The following PCDHGA5 variants were observed in gnomAD, a reference collection of about 807,000 sequenced individuals.
PCDHGA5 encodes the protein protocadherin gamma subfamily A, 5, also known as protocadherin gamma-A5.
A neutral mutation model predicts 56.7 loss-of-function variants in PCDHGA5; 36 were observed. The ratio of observed to expected loss-of-function variants is 0.64; its 90% confidence interval spans 0.49 to 0.84. The LOEUF (loss-of-function observed/expected upper bound fraction) is 0.84. PCDHGA5 is among the 40% of genes least tolerant of loss of function. The pLI, the probability that PCDHGA5 is intolerant of heterozygous loss-of-function variation, is 0.00. For missense variants in PCDHGA5, 1,305 were observed against 1,201.5 expected, an observed-to-expected ratio of 1.09 and a Z score of -1.27; for synonymous variants, 563 against 520.2, an observed-to-expected ratio of 1.08 and a Z score of -1.12.
At chr5:141,433,383 CT>C (rs2097595660) in intron 1 of PCDHGA5, among the ~76,000 whole-genome samples, 1 of 151,456 alleles carries the variant, frequency 6.6e-6, no homozygotes, top group Non-Finnish European at 1.5e-5. Context: ...ATCTATCTAT[CT>C]ATCTATCTAT....
At chr5:141,387,435 A>G (rs988959651) in intron 1 of PCDHGA5, among the ~76,000 whole-genome samples, 1 of 152,240 alleles carries the variant, frequency 6.6e-6, no homozygotes, top group African/African-American at 2.4e-5. Flanking sequence ...ATGTTTATGT[A>G]CTTAATCTAC....
Position 141,489,434 on chromosome 5 carries a change from A to G in PCDHGA5, c.2422-5373A>G. On this transcript the variant is annotated intron_variant, in intron 1 of 3. Transcript: ENST00000518069. This position sits in a 1 kb window ranked among gnomAD's most constrained non-coding sequence, Gnocchi z 4.5. ...ACAGATCTGTTGAGCCGGCGGCTGC[A>G]ATTGGGCTCTGAGGAGAATGGGCGC... 6.2e-7 allele frequency: 1 copy of G among 1,614,138 alleles called. No individual in the cohort carries two copies. The highest frequency in any genetic ancestry group is 8.5e-7 in the Non-Finnish European group (1 of 1,180,044).
Position 141,383,135 on chromosome 5 carries a change from A to T in PCDHGA5, c.2421+16384A>T. On this transcript the variant is annotated intron_variant, in intron 1 of 3. Coordinates refer to ENST00000518069, the MANE Select transcript of PCDHGA5 (RefSeq NM_018918.3). ...AGGACGCAGCTTTTCGCCCTGAACC[A>T]GCGCAGCGGCAGCTTGGTCACTGCG... The T allele has an allele frequency of 1.2e-5, 20 of 1,614,114 alleles. No homozygotes were observed. Among genetic ancestry groups the T allele is most frequent in the Non-Finnish European group, 1.7e-5 (20 of 1,179,996 alleles).
chr5:141,418,663 C>T, intron 1 of PCDHGA5: 1 of 1,613,960 alleles, frequency 6.2e-7, no homozygotes, highest in South Asian at 1.1e-5. Flanking sequence ...AGGCCACTGA[C>T]CAGGACGAGG....
chr5:141,389,496 CCAGCGCT>C, intron 1 of PCDHGA5: 1 of 1,613,068 alleles, frequency 6.2e-7, no homozygotes, highest in Non-Finnish European at 8.5e-7. Context: ...CCAGGGCTCG[CCAGCGCT>C]CAGCGCGAAC....
chr5:141,410,849 C>G, intron 1 of PCDHGA5: 1 of 136,716 alleles, frequency 7.3e-6, no homozygotes, highest in Non-Finnish European at 1.2e-5. Flanking sequence ...TTGTCTTTGT[C>G]TTTTTTTTTT....
Position 141,420,413 on chromosome 5 carries a change from A to G in PCDHGA5, c.2421+53662A>G, listed in dbSNP as rs191893876. 4 of 1,222,394 alleles carry G rather than the reference A, an allele frequency of 3.3e-6. No individual in the cohort carries two copies. In the Admixed American group the frequency reaches 1.1e-4, roughly 33 times the overall value. 75.7% of individuals were successfully genotyped at this position (1,222,394 alleles called of 1,614,324 possible). A position where few individuals can be genotyped will look rare whatever the true frequency, so the allele number is the denominator to read the frequency against. ...ATAGGTCAAATTTATGGTTATCATT[A>G]TTAAAACAAAAGTTTAAATTAAATG... On this transcript the variant is annotated intron_variant, in intron 1 of 3. Transcript: ENST00000518069.
chr5:141,393,571 A>G, intron 1 of PCDHGA5: 4 of 1,613,974 alleles, frequency 2.5e-6, no homozygotes, highest in Non-Finnish European at 3.4e-6. Flanking sequence ...AAAGTCCTTG[A>G]GAACATGCCC....
intron 2 of PCDHGA5, among the ~76,000 whole-genome samples, chr5:141,500,184 T>TTTTTTTTATTTATTTA (rs1554186429): frequency 7.4e-6 from 1 of 135,886 alleles, no homozygotes; most frequent in African/African-American, 2.7e-5. Flanking sequence ...TCATTTTTAT[T>TTTTTTTTATTTATTTA]TTTATTTATT....
chr5:141,379,889 CTTTTTTTTTTTTTTTT>C (rs70988800), intron 1 of PCDHGA5, among the ~76,000 whole-genome samples: 915 of 50,904 alleles, frequency 0.018, 31 homozygotes, highest in African/African-American at 0.056. Context: ...GTGAAAGCCT[CTTTTTTTTTTTTTTTT>C]TTTTTTTTTT....
chr5:141,389,705 G>A (rs770533850), intron 1 of PCDHGA5: 2 of 1,612,552 alleles, frequency 1.2e-6, no homozygotes, highest in Admixed American at 3.3e-5. Context: ...ACCACGTGCT[G>A]CAGGCTAGCG....
In PCDHGA5 at chr5:141,505,438, T is replaced by C. The variant is rs149352680; in HGVS notation, c.2526T>C (p.Phe842=). The C allele has an allele frequency of 6.8e-6, 11 of 1,614,046 alleles. No homozygotes were observed. The African/African-American group carries it at 1.5e-4, about 22-fold the overall frequency. The stretch of plus-strand genomic sequence containing the variant: ...CCGGCACCTGGCCCAACAACCAGTT[T>C]GACACAGAGATGCTGCAAGCCATGA... ...DDTGTWPNNQ[F]DTEMLQAMIL... Residue 842 remains phenylalanine, a synonymous_variant, in exon 3 of 4, where the codon TTT becomes TTC. Transcript: ENST00000518069.
chr5:141,413,570 A>G, intron 1 of PCDHGA5: 1 of 1,613,930 alleles, frequency 6.2e-7, no homozygotes, highest in Non-Finnish European at 8.5e-7. Context: ...GATATCAATG[A>G]CAATGCTCCA....
rs781156882 is a variant in PCDHGA5 at position 141,365,966 on chromosome 5, G to A, written c.1636G>A (p.Val546Met). ...DSGNPPLSSNVSLSLFVLDQN... is the reference protein window; with the variant it reads ...DSGNPPLSSNMSLSLFVLDQN... ...TGGGAACCCTCCACTTAGCAGCAAC[G>A]TGTCGCTGAGCCTGTTTGTGCTGGA... is the stretch of plus-strand genomic sequence containing the variant. Residue 546 changes from valine (V) to methionine (M), a missense_variant, in exon 1 of 4, where the codon GTG becomes ATG. Coordinates refer to ENST00000518069, the MANE Select transcript of PCDHGA5 (RefSeq NM_018918.3). The A allele has an allele frequency of 1.5e-5, 24 of 1,614,222 alleles. No individual in the cohort carries two copies. Among genetic ancestry groups the A allele is most frequent in the Non-Finnish European group, 2.0e-5 (24 of 1,180,034 alleles).
chr5:141,370,057 C>T (rs180898728), intron 1 of PCDHGA5, among the ~76,000 whole-genome samples: 2 of 152,150 alleles, frequency 1.3e-5, no homozygotes, highest in Non-Finnish European at 2.9e-5. Flanking sequence ...TTTAAAAGTC[C>T]TTTTAAAATG....
chr5:141,408,871 T>C, intron 1 of PCDHGA5: 2 of 1,612,784 alleles, frequency 1.2e-6, no homozygotes, highest in Non-Finnish European at 1.7e-6. Flanking sequence ...CACCAAGAAG[T>C]GCCACCGCTC....
intron 1 of PCDHGA5, chr5:141,394,900 C>T (rs959646500): frequency 3.7e-6 from 6 of 1,613,748 alleles, no homozygotes; most frequent in Non-Finnish European, 3.4e-6. Context: ...CTCGTGGTGG[C>T]AGTGGCTGCC....
intron 1 of PCDHGA5, among the ~76,000 whole-genome samples, chr5:141,386,748 G>T (rs1033565005): frequency 6.6e-6 from 1 of 152,190 alleles, no homozygotes; most frequent in African/African-American, 2.4e-5. Flanking sequence ...TCCTATGGCA[G>T]AACTACGGTT....
intron 1 of PCDHGA5, among the ~76,000 whole-genome samples, chr5:141,450,685 C>T (rs542985781): frequency 6.6e-6 from 1 of 152,020 alleles, no homozygotes; most frequent in South Asian, 2.1e-4. Context: ...CGGGGTTTTG[C>T]CATGTTGCCC....
Sources: gnomAD v4.1 joint callset for allele counts (sites outside exome capture counted in the v4.1 genomes callset) on GRCh38, gnomAD v4.1.1 for gene constraint, Gnocchi (gnomAD v3.1) non-coding constraint, MANE v1.5 for transcripts, NCBI Gene and HGNC (gene_info 2026-07-23, HGNC 2026-07-21) for gene names.